PCED1B: variants seen among roughly 807,000 people sequenced by gnomAD.
PCED1B encodes PC-esterase domain-containing protein 1B.
For missense variants in PCED1B, 573 were observed against 573.9 expected, an observed-to-expected ratio of 1.00 and a Z score of 0.02; for synonymous variants, 251 against 246.1, an observed-to-expected ratio of 1.02 and a Z score of -0.19.
intron 2 of PCED1B, among the ~76,000 whole-genome samples, chr12:47,124,452 G>T: frequency 6.7e-6 from 1 of 149,444 alleles, no homozygotes; most frequent in African/African-American, 2.5e-5. Context: ...CTGTTTTTTT[G>T]CTATTACAAA....
At chr12:47,112,674 A>G (rs894547751) in intron 2 of PCED1B, among the ~76,000 whole-genome samples, 19 of 152,216 alleles carry the variant, frequency 1.2e-4, no homozygotes, top group Non-Finnish European at 2.8e-4. Context: ...GATGCCTTCC[A>G]ATGTGTGGTC....
chr12:47,154,388 T>C (rs1941117874), intron 2 of PCED1B, among the ~76,000 whole-genome samples: 1 of 152,192 alleles, frequency 6.6e-6, no homozygotes, highest in South Asian at 2.1e-4. Flanking sequence ...TGTTTTGTTT[T>C]TAACCATTTC....
At chr12:47,105,794 A>C (rs1938922110) in intron 2 of PCED1B, among the ~76,000 whole-genome samples, 2 of 152,160 alleles carry the variant, frequency 1.3e-5, no homozygotes, top group South Asian at 4.1e-4. Context: ...AAGGAGAAAG[A>C]GTGAATACAG....
At chr12:47,207,579 G>C (rs940293300) in intron 2 of PCED1B, among the ~76,000 whole-genome samples, 1 of 152,238 alleles carries the variant, frequency 6.6e-6, no homozygotes, top group Non-Finnish European at 1.5e-5. Context: ...ATGGGTGACA[G>C]TGTGTATGAC....
chr12:47,089,458 A>AT (rs11440129), intron 1 of PCED1B, among the ~76,000 whole-genome samples: 14 of 46,816 alleles, frequency 3.0e-4, no homozygotes, highest in African/African-American at 1.1e-3. Flanking sequence ...AAAAAAAAAA[A>AT]TACATATATA....
At chr12:47,232,213 A>G (rs1431623625) in intron 3 of PCED1B, among the ~76,000 whole-genome samples, 1 of 152,138 alleles carries the variant, frequency 6.6e-6, no homozygotes. Flanking sequence ...TTTGTTTCAA[A>G]CTCCTGGTCT....
chr12:47,103,322 G>A (rs141345793), intron 1 of PCED1B, among the ~76,000 whole-genome samples: 21 of 152,264 alleles, frequency 1.4e-4, no homozygotes, highest in Admixed American at 9.2e-4. Context: ...ACAGGGCAAG[G>A]AGGATGCCAT....
At chr12:47,122,720 G>A (rs774364912) in intron 2 of PCED1B, among the ~76,000 whole-genome samples, 42 of 152,288 alleles carry the variant, frequency 2.8e-4, no homozygotes, top group South Asian at 1.2e-3. Flanking sequence ...TTTGAAGATG[G>A]ATACAAACCT....
intron 2 of PCED1B, among the ~76,000 whole-genome samples, chr12:47,134,904 T>C (rs1347867765): frequency 6.6e-6 from 1 of 152,206 alleles, no homozygotes; most frequent in Non-Finnish European, 1.5e-5. Flanking sequence ...TTTTCACATA[T>C]ATTTTCAATC....
chr12:47,225,283 A>T (rs1943602715), intron 3 of PCED1B, among the ~76,000 whole-genome samples: 2 of 152,062 alleles, frequency 1.3e-5, no homozygotes, highest in South Asian at 4.1e-4. Flanking sequence ...ATCTCTCAGT[A>T]CTTTTCTGTA....
At chr12:47,203,101 C>G (rs1942815960) in intron 2 of PCED1B, among the ~76,000 whole-genome samples, 2 of 151,758 alleles carry the variant, frequency 1.3e-5, no homozygotes, top group African/African-American at 4.8e-5. Context: ...CCCCAAGTAA[C>G]TGGGACTACA....
At chr12:47,165,493 TCC>T (rs1472196439) in intron 2 of PCED1B, among the ~76,000 whole-genome samples, 2 of 152,232 alleles carry the variant, frequency 1.3e-5, no homozygotes, top group African/African-American at 4.8e-5. Context: ...TTTTAACAAC[TCC>T]AGAGAGAACA....
chr12:47,199,995 G>A (rs832737), intron 2 of PCED1B, among the ~76,000 whole-genome samples: 111,003 of 152,070 alleles, frequency 0.73, 41,494 homozygotes, highest in African/African-American at 0.9. Flanking sequence ...TATCCAAAAT[G>A]TCAGCCTGGG....
intron 3 of PCED1B, among the ~76,000 whole-genome samples, 176 bp from the exon 4 acceptor site, chr12:47,234,831 G>T (rs1943920218): frequency 6.6e-6 from 1 of 152,144 alleles, no homozygotes; most frequent in Admixed American, 6.5e-5. Flanking sequence ...CTGCCCTCTC[G>T]CCAATCTCCC....
chr12:47,110,751 A>G (rs990158464), intron 2 of PCED1B, among the ~76,000 whole-genome samples: 8 of 152,224 alleles, frequency 5.3e-5, no homozygotes, highest in African/African-American at 7.2e-5. Context: ...TCATGCAAAC[A>G]TGAGCTTCAT....
intron 2 of PCED1B, among the ~76,000 whole-genome samples, chr12:47,123,310 C>T (rs372380390): frequency 1.3e-5 from 2 of 152,228 alleles, no homozygotes; most frequent in South Asian, 2.1e-4. Context: ...ACAGACATTA[C>T]TTGAGCTCTA....
intron 3 of PCED1B, among the ~76,000 whole-genome samples, chr12:47,227,520 C>G (rs1161352898): frequency 2.6e-5 from 4 of 151,978 alleles, no homozygotes; most frequent in Admixed American, 2.6e-4. Flanking sequence ...ATTTTCCCCT[C>G]TCTTTCCTTC....
At chr12:47,229,634 CAA>C (rs1223282670) in intron 3 of PCED1B, among the ~76,000 whole-genome samples, 2 of 152,102 alleles carry the variant, frequency 1.3e-5, no homozygotes, top group African/African-American at 2.4e-5. Context: ...GTGCATGAAA[CAA>C]AGTTTGTGTG....
At chr12:47,110,828 A>G (rs1008243059) in intron 2 of PCED1B, among the ~76,000 whole-genome samples, 1 of 152,196 alleles carries the variant, frequency 6.6e-6, no homozygotes, top group African/African-American at 2.4e-5. Context: ...TGAGTCAATG[A>G]CAAACACACA....
Sources: allele counts gnomAD v4.1 joint callset (sites outside exome capture counted in the v4.1 genomes callset), GRCh38; gene constraint gnomAD v4.1.1; transcripts MANE v1.5; gene names NCBI Gene and HGNC (gene_info 2026-07-23, HGNC 2026-07-21).